CHRM3: variants seen among roughly 807,000 people sequenced by gnomAD.
CHRM3 encodes cholinergic receptor muscarinic 3.
A neutral mutation model predicts 41.8 loss-of-function variants in CHRM3; 11 were observed. The observed-to-expected ratio is 0.26, with a 90% CI of 0.17 to 0.44. The LOEUF is 0.44. Among genes scored for constraint, CHRM3 ranks in the 20% least tolerant of loss-of-function variants. CHRM3 has a pLI of 1.00. For synonymous variants in CHRM3, 297 were observed against 301.4 expected (o/e 0.99, Z 0.15); for missense variants, 571 against 745.4 (o/e 0.77, Z 2.72).
At chr1:239,673,663 T>C (rs1346332129) in intron 4 of CHRM3, among the ~76,000 whole-genome samples, 1 of 152,168 alleles carries the variant, frequency 6.6e-6, no homozygotes, top group African/African-American at 2.4e-5. Flanking sequence ...ATTTCTTTTT[T>C]TTCTGAGCAT....
At chr1:239,458,481 T>C (rs1199371700) in intron 1 of CHRM3, among the ~76,000 whole-genome samples, 1 of 152,142 alleles carries the variant, frequency 6.6e-6, no homozygotes, top group Admixed American at 6.6e-5. Flanking sequence ...ATATTGCTTA[T>C]ACCAAAATGG....
intron 6 of CHRM3, among the ~76,000 whole-genome samples, chr1:239,856,254 T>A (rs1310949693): frequency 6.6e-6 from 1 of 152,116 alleles, no homozygotes; most frequent in East Asian, 1.9e-4. Context: ...TGGCTTTGTG[T>A]CCCCACCCAA....
At chr1:239,648,289 A>G (rs979160123) in intron 4 of CHRM3, among the ~76,000 whole-genome samples, 1 of 151,958 alleles carries the variant, frequency 6.6e-6, no homozygotes, top group African/African-American at 2.4e-5. Context: ...CTTTTCCCCA[A>G]GTCTAAGTTT....
At chr1:239,772,441 A>C (rs1667763450) in intron 5 of CHRM3, among the ~76,000 whole-genome samples, 1 of 152,100 alleles carries the variant, frequency 6.6e-6, no homozygotes, top group Non-Finnish European at 1.5e-5. Context: ...ATGAGCCACC[A>C]TGCCCAGCCT....
chr1:239,430,119 A>AC (rs914784764), intron 1 of CHRM3, among the ~76,000 whole-genome samples: 6 of 150,928 alleles, frequency 4.0e-5, no homozygotes, highest in African/African-American at 1.5e-4. Context: ...GGCGCCCACC[A>AC]CCACACCTGG....
At chr1:239,821,165 T>C (rs1672011805) in intron 5 of CHRM3, among the ~76,000 whole-genome samples, 1 of 152,230 alleles carries the variant, frequency 6.6e-6, no homozygotes, top group East Asian at 1.9e-4. Context: ...ATGGTTGTTT[T>C]TTAAAATTCA....
intron 3 of CHRM3, among the ~76,000 whole-genome samples, chr1:239,596,260 T>C (rs901163333): frequency 2.6e-5 from 4 of 152,294 alleles, no homozygotes; most frequent in Admixed American, 2.6e-4. Context: ...TGTTGACACT[T>C]TAGAAACCTC....
intron 6 of CHRM3, among the ~76,000 whole-genome samples, chr1:239,854,177 T>C (rs1674921232): frequency 6.6e-6 from 1 of 152,096 alleles, no homozygotes; most frequent in South Asian, 2.1e-4. Context: ...CCATAGGCAA[T>C]ATAAACGAAG....
chr1:239,618,873 A>C (rs1202506698), intron 3 of CHRM3, among the ~76,000 whole-genome samples: 1 of 148,382 alleles, frequency 6.7e-6, no homozygotes, highest in Admixed American at 6.7e-5. Flanking sequence ...TAAAGATGAC[A>C]TTTAGATGTC....
intron 1 of CHRM3, among the ~76,000 whole-genome samples, chr1:239,453,211 A>C (rs1664687286): frequency 6.6e-6 from 1 of 152,242 alleles, no homozygotes; most frequent in Non-Finnish European, 1.5e-5. Context: ...TCGTGATGAT[A>C]ATTTGACCTC....
chr1:239,826,834 T>G (rs1672500730), intron 5 of CHRM3: 1 of 152,118 alleles, frequency 6.6e-6, no homozygotes, highest in Non-Finnish European at 1.5e-5. Flanking sequence ...CCAATAAAAA[T>G]AATAATATTT....
chr1:239,728,223 A>G (rs1325338192), intron 5 of CHRM3, among the ~76,000 whole-genome samples: 3 of 151,984 alleles, frequency 2.0e-5, no homozygotes, highest in African/African-American at 7.2e-5. Flanking sequence ...ACTTCACAAC[A>G]TTCCCACTGA....
intron 1 of CHRM3, among the ~76,000 whole-genome samples, chr1:239,470,412 T>G (rs1291548461): frequency 6.6e-6 from 1 of 152,208 alleles, no homozygotes; most frequent in Admixed American, 6.5e-5. Context: ...TGTGGTAATT[T>G]GCTATGGCGG....
chr1:239,741,623 T>C (rs1332887822), intron 5 of CHRM3, among the ~76,000 whole-genome samples: 19 of 152,082 alleles, frequency 1.2e-4, no homozygotes, highest in African/African-American at 4.6e-4. Context: ...AACAAATAAA[T>C]GAAAGGATTT....
At chr1:239,704,727 G>A (rs1660986581) in intron 5 of CHRM3, 1 of 152,190 alleles carries the variant, frequency 6.6e-6, no homozygotes, top group Non-Finnish European at 1.5e-5. Flanking sequence ...TAACAGCAAT[G>A]CAAGGAAAGA....
intron 1 of CHRM3, among the ~76,000 whole-genome samples, chr1:239,411,858 G>A (rs1661098848): frequency 1.3e-5 from 2 of 150,450 alleles, no homozygotes; most frequent in Admixed American, 6.7e-5. Flanking sequence ...GCAGTCCTCA[G>A]TGCACGATCC....
chr1:239,817,360 C>A (rs757794706), intron 5 of CHRM3, among the ~76,000 whole-genome samples: 8 of 152,152 alleles, frequency 5.3e-5, no homozygotes, highest in Non-Finnish European at 1.5e-5. Context: ...GCAAAACTAT[C>A]TTTCTCTTCT....
chr1:239,805,155 A>G (rs1002003310), intron 5 of CHRM3, among the ~76,000 whole-genome samples: 3 of 152,158 alleles, frequency 2.0e-5, no homozygotes, highest in African/African-American at 4.8e-5. Flanking sequence ...ATCTCATTTA[A>G]TCCCTGCAAA....
chr1:239,505,542 T>C (rs1668512249), intron 2 of CHRM3, among the ~76,000 whole-genome samples: 2 of 152,184 alleles, frequency 1.3e-5, no homozygotes, highest in African/African-American at 4.8e-5. Flanking sequence ...TCTGCCATGA[T>C]TGTGATTCTT....
Sources: gnomAD v4.1 joint callset for allele counts (sites outside exome capture counted in the v4.1 genomes callset) on GRCh38, gnomAD v4.1.1 for gene constraint, MANE v1.5 for transcripts, NCBI Gene and HGNC (gene_info 2026-07-23, HGNC 2026-07-21) for gene names.